CADM2: variants seen among roughly 807,000 people sequenced by gnomAD.
CADM2 encodes the protein immunoglobulin superfamily member 4D.
In CADM2, 12 loss-of-function variants were observed where a neutral mutation model predicts 49.8. The observed-to-expected ratio is 0.24, with a 90% CI of 0.15 to 0.39. The LOEUF (loss-of-function observed/expected upper bound fraction) is 0.39, where lower values mean the gene tolerates loss of function less well. Among genes scored for constraint, CADM2 ranks in the 10% least tolerant of loss-of-function variants. The pLI is 1.00. For missense variants in CADM2, 378 were observed against 492.3 expected (o/e 0.77, Z 2.20); for synonymous variants, 214 against 175.4 (o/e 1.22, Z -1.74).
chr3:85,881,959 C>T (rs1402297817), intron 3 of CADM2, among the ~76,000 whole-genome samples: 2 of 152,128 alleles, frequency 1.3e-5, no homozygotes, highest in Non-Finnish European at 2.9e-5. Context: ...AGAAGTGCCC[C>T]TGCTGATCTG....
intron 1 of CADM2, among the ~76,000 whole-genome samples, chr3:85,315,953 G>C (rs1192596357): frequency 1.3e-5 from 2 of 152,014 alleles, no homozygotes; most frequent in Non-Finnish European, 2.9e-5. Context: ...CAAGAAGGAA[G>C]ACATTTAAAA....
At chr3:86,057,283 A>G (rs554821085) in intron 8 of CADM2, among the ~76,000 whole-genome samples, 3 of 152,242 alleles carry the variant, frequency 2.0e-5, no homozygotes, top group South Asian at 4.1e-4. Flanking sequence ...CTTTCTGAAG[A>G]ATTATTCTTT....
At chr3:85,827,508 A>T (rs896348674) in intron 3 of CADM2, among the ~76,000 whole-genome samples, 1 of 151,990 alleles carries the variant, frequency 6.6e-6, no homozygotes, top group Non-Finnish European at 1.5e-5. Flanking sequence ...TAGAAATTCA[A>T]GTGATTCTCA....
chr3:85,011,351 G>A (rs112256428), intron 1 of CADM2, among the ~76,000 whole-genome samples: 36 of 152,222 alleles, frequency 2.4e-4, no homozygotes, highest in African/African-American at 7.9e-4. Context: ...TAGATAGGGT[G>A]TCCAGCTACA....
At chr3:85,828,909 T>C (rs2108220906) in intron 3 of CADM2, among the ~76,000 whole-genome samples, 1 of 152,050 alleles carries the variant, frequency 6.6e-6, no homozygotes, top group South Asian at 2.1e-4. Context: ...AAATCTGAAA[T>C]ATGAAGTTCC....
intron 1 of CADM2, among the ~76,000 whole-genome samples, chr3:85,067,708 C>T (rs951463856): frequency 2.0e-5 from 3 of 152,038 alleles, no homozygotes; most frequent in Non-Finnish European, 4.4e-5. Context: ...GCTGTTTGTA[C>T]CAATTAATTA....
intron 1 of CADM2, among the ~76,000 whole-genome samples, chr3:85,447,988 AAC>A (rs894420122): frequency 5.4e-4 from 82 of 152,218 alleles, no homozygotes; most frequent in African/African-American, 1.9e-3. Context: ...CAATAAGCAA[AAC>A]ACACACAAAA....
At chr3:85,186,057 A>G (rs2041053573) in intron 1 of CADM2, among the ~76,000 whole-genome samples, 1 of 152,216 alleles carries the variant, frequency 6.6e-6, no homozygotes, top group African/African-American at 2.4e-5. Flanking sequence ...TTGATATAGC[A>G]CAAGTATTTG....
intron 1 of CADM2, among the ~76,000 whole-genome samples, chr3:85,366,858 A>G (rs1358205205): frequency 6.6e-6 from 1 of 152,076 alleles, no homozygotes; most frequent in Non-Finnish European, 1.5e-5. Flanking sequence ...TTTACCAAAT[A>G]GCATATATAA....
At chr3:85,091,092 A>G (rs991795862) in intron 1 of CADM2, among the ~76,000 whole-genome samples, 2 of 152,186 alleles carry the variant, frequency 1.3e-5, no homozygotes, top group Non-Finnish European at 2.9e-5. Context: ...TGTTAAATCT[A>G]TTGGCTATTC....
chr3:85,139,010 TC>T, intron 1 of CADM2, among the ~76,000 whole-genome samples: 1 of 152,270 alleles, frequency 6.6e-6, no homozygotes, highest in East Asian at 1.9e-4. Context: ...TGTGTTCAGC[TC>T]ATTGCAAGGA....
intron 1 of CADM2, among the ~76,000 whole-genome samples, chr3:85,272,251 G>C (rs2043259569): frequency 6.6e-6 from 1 of 151,208 alleles, no homozygotes; most frequent in Non-Finnish European, 1.5e-5. Flanking sequence ...CTCATTTTAA[G>C]AGAAAATGTT....
chr3:85,490,260 T>A (rs1264496741), intron 1 of CADM2, among the ~76,000 whole-genome samples: 1 of 152,168 alleles, frequency 6.6e-6, no homozygotes, highest in Admixed American at 6.5e-5. Flanking sequence ...CCTAAGGTTA[T>A]AGACTCAAGA....
At chr3:85,473,585 C>T (rs1470542945) in intron 1 of CADM2, among the ~76,000 whole-genome samples, 1 of 152,052 alleles carries the variant, frequency 6.6e-6, no homozygotes, top group Admixed American at 6.6e-5. Context: ...TTCAGGTCAT[C>T]AGGTTTACCA....
At chr3:85,693,012 T>C (rs992494781) in intron 1 of CADM2, among the ~76,000 whole-genome samples, 9 of 151,596 alleles carry the variant, frequency 5.9e-5, no homozygotes, top group African/African-American at 1.9e-4. Flanking sequence ...GGCGGATCAC[T>C]AGATCAAGAG....
chr3:85,617,816 A>G (rs899311053), intron 1 of CADM2, among the ~76,000 whole-genome samples: 3 of 152,324 alleles, frequency 2.0e-5, no homozygotes, highest in East Asian at 1.9e-4. Context: ...TATGGGGTTG[A>G]AAACCAAATA....
At chr3:85,317,825 T>A (rs1028592845) in intron 1 of CADM2, among the ~76,000 whole-genome samples, 6 of 152,128 alleles carry the variant, frequency 3.9e-5, no homozygotes, top group Non-Finnish European at 7.4e-5. Flanking sequence ...AAATAAAACA[T>A]ACCAAATAAT....
intron 1 of CADM2, among the ~76,000 whole-genome samples, chr3:85,009,306 A>G (rs886441962): frequency 6.6e-6 from 1 of 152,232 alleles, no homozygotes; most frequent in Non-Finnish European, 1.5e-5. Flanking sequence ...AGTGATAAAT[A>G]TGAGTGGAAG....
intron 3 of CADM2, among the ~76,000 whole-genome samples, chr3:85,868,356 A>T (rs190291107): frequency 9.9e-5 from 15 of 152,160 alleles, no homozygotes; most frequent in Non-Finnish European, 1.5e-4. Flanking sequence ...CTTTTGCATT[A>T]TTATAAATCT....
Sources: allele counts gnomAD v4.1 joint callset (sites outside exome capture counted in the v4.1 genomes callset), GRCh38; gene constraint gnomAD v4.1.1; transcripts MANE v1.5; gene names NCBI Gene and HGNC (gene_info 2026-07-23, HGNC 2026-07-21).